The following SLC22A23 variants were observed in gnomAD, a reference collection of about 807,000 sequenced individuals.
SLC22A23 encodes ion transporter protein.
A neutral mutation model predicts 61.0 loss-of-function variants in SLC22A23; 26 were observed. The ratio of observed to expected loss-of-function variants is 0.43; its 90% confidence interval spans 0.31 to 0.59. The LOEUF (loss-of-function observed/expected upper bound fraction) is 0.59. Among genes scored for constraint, SLC22A23 ranks in the 20% least tolerant of loss-of-function variants. SLC22A23 has a pLI of 0.11. For missense variants in SLC22A23, 796 were observed against 934.7 expected, an observed-to-expected ratio of 0.85 and a Z score of 1.94; for synonymous variants, 430 against 413.9, an observed-to-expected ratio of 1.04 and a Z score of -0.47.
chr6:3,273,697 C>T (rs1758642288), intron 9 of SLC22A23, among the ~76,000 whole-genome samples: 1 of 152,116 alleles, frequency 6.6e-6, no homozygotes, highest in African/African-American at 2.4e-5. Flanking sequence ...GGGCTGGGGA[C>T]CATGAGAACT....
rs183679776 is a variant in SLC22A23, at chr6:3,427,922, C to T, written c.655-12067G>A. 1.6e-3 allele frequency among the ~76,000 whole-genome samples: 237 copies of T among 152,316 alleles called. No homozygotes were observed. The highest frequency in any genetic ancestry group is 5.3e-3 in the African/African-American group (222 of 41,574). On this transcript the variant is annotated intron_variant, in intron 1 of 9. Transcript: ENST00000406686. This position sits in a 1 kb window ranked among gnomAD's most constrained non-coding sequence, Gnocchi z 4.3. ...CCTCTGGTCGGGAGAGGAAGAAGGT[C>T]GGCTGCACCCGAGGTGGGGTGAGCC...
intron 3 of SLC22A23, among the ~76,000 whole-genome samples, chr6:3,368,762 A>T (rs919074580): frequency 6.6e-6 from 1 of 152,200 alleles, no homozygotes; most frequent in African/African-American, 2.4e-5. Flanking sequence ...AAGACAGCCA[A>T]GATTAGTAGA....
chr6:3,324,105 G>T lies in SLC22A23; in HGVS notation c.914-103C>A. The T allele has an allele frequency of 7.0e-7, 1 of 1,421,574 alleles. No homozygotes were observed. Among genetic ancestry groups the T allele is most frequent in the Non-Finnish European group, 9.6e-7 (1 of 1,039,414 alleles). 88.1% of individuals were successfully genotyped at this position (1,421,574 alleles called of 1,614,324 possible). A position where few individuals can be genotyped will look rare whatever the true frequency, so the allele number is the denominator to read the frequency against. ...TGCACTGCTTAACCCACCAACGACT[G>T]AAATTGTTTTCATCTGCTGCCCACC... On this transcript the variant is annotated intron_variant, in intron 3 of 9. Coordinates refer to ENST00000406686, the MANE Select transcript of SLC22A23 (RefSeq NM_015482.2). This position sits in a 1 kb window ranked among gnomAD's most constrained non-coding sequence, Gnocchi z 4.3.
At chr6:3,362,297 G>A (rs575362459) in intron 3 of SLC22A23, among the ~76,000 whole-genome samples, 11 of 151,062 alleles carry the variant, frequency 7.3e-5, no homozygotes, top group African/African-American at 2.2e-4. Context: ...CCAGCTACTC[G>A]GGAGCTGAGG....
chr6:3,400,126 C>A (rs1768283992), intron 3 of SLC22A23, among the ~76,000 whole-genome samples: 1 of 152,232 alleles, frequency 6.6e-6, no homozygotes, highest in Admixed American at 6.5e-5. Context: ...GATCCACCCG[C>A]CTCGGCCTCC....
At chr6:3,369,001 T>C (rs9503566) in intron 3 of SLC22A23, among the ~76,000 whole-genome samples, 53,402 of 151,958 alleles carry the variant, frequency 0.35, 9,497 homozygotes, top group Middle Eastern at 0.42. Context: ...TTCCCAGAGA[T>C]GGCTCTATTT....
At chr6:3,293,844 T>C (rs1760837867) in intron 5 of SLC22A23, among the ~76,000 whole-genome samples, 1 of 152,100 alleles carries the variant, frequency 6.6e-6, no homozygotes. Flanking sequence ...AAACCCAAGC[T>C]CTGTCATTGC....
Position 3,272,857 on chromosome 6 carries a change from A to G in SLC22A23, c.*198T>C. 1 of 500,436 alleles carries G rather than the reference A, an allele frequency of 2.0e-6. No homozygotes were observed. The highest frequency in any genetic ancestry group is 3.5e-6 in the Non-Finnish European group (1 of 285,974). 31.0% of individuals were successfully genotyped at this position (500,436 alleles called of 1,614,324 possible). A position where few individuals can be genotyped will look rare whatever the true frequency, so the allele number is the denominator to read the frequency against. The stretch of plus-strand genomic sequence containing the variant: ...TAACGGCAGAAAAGAAAGTCTTGAA[A>G]GGGTTATTTCCAAAGAGTTTGTCTC... On this transcript the variant is annotated 3_prime_UTR_variant, in exon 10 of 10. Transcript: ENST00000406686.
rs1404782589 is a variant in SLC22A23 at position 3,280,041 on chromosome 6, ATTAC to A, written c.1703+3807_1703+3810del. Among the ~76,000 whole-genome samples the A allele has an allele frequency of 2.0e-5, 3 of 152,178 alleles. No individual in the cohort carries two copies. In the East Asian group the frequency reaches 5.8e-4, roughly 29 times the overall value. On this transcript the variant is annotated intron_variant, in intron 9 of 9. Coordinates refer to ENST00000406686, the MANE Select transcript of SLC22A23 (RefSeq NM_015482.2). ...GCTCCTGTTCTAGCTCCTCTTTTAT[ATTAC>A]TTAATGTGACTTGACTAAATTTCTG... is the stretch of plus-strand genomic sequence containing the variant.
chr6:3,296,787 G>A (rs9378359), intron 5 of SLC22A23, among the ~76,000 whole-genome samples: 21,789 of 152,164 alleles, frequency 0.14, 1,704 homozygotes, highest in South Asian at 0.29. Flanking sequence ...GAGGCAGAGG[G>A]TGACATCCTG....
At chr6:3,443,284 A>G (rs543410143) in intron 1 of SLC22A23, among the ~76,000 whole-genome samples, 99 of 152,304 alleles carry the variant, frequency 6.5e-4, no homozygotes, top group African/African-American at 2.4e-3. Context: ...CGAATTATGT[A>G]GCTGGCCCTG....
intron 3 of SLC22A23, among the ~76,000 whole-genome samples, chr6:3,363,969 G>A (rs1765643759): frequency 1.3e-5 from 2 of 152,138 alleles, no homozygotes; most frequent in South Asian, 4.1e-4. Context: ...GTGTAGTTGG[G>A]TGGGCCCCAA....
intron 5 of SLC22A23, among the ~76,000 whole-genome samples, chr6:3,292,587 A>G (rs1760705064): frequency 6.6e-6 from 1 of 152,230 alleles, no homozygotes; most frequent in Non-Finnish European, 1.5e-5. Context: ...CTGAATTTTG[A>G]TGAGCCAGGT....
At chr6:3,294,455 T>C (rs919898099) in intron 5 of SLC22A23, among the ~76,000 whole-genome samples, 2 of 152,182 alleles carry the variant, frequency 1.3e-5, no homozygotes, top group African/African-American at 2.4e-5. Flanking sequence ...GTAAGTATCA[T>C]ACAAATATCC....
rs1013153582 is a variant in SLC22A23, at chr6:3,318,597, G to T, written c.1082+5237C>A. ...CAGTGCTTCCCAGGAGGCCCTGTGT[G>T]GTCCTATGTACCCCTTCCTCCTGGG... On this transcript the variant is annotated intron_variant, in intron 4 of 9. Coordinates refer to ENST00000406686, the MANE Select transcript of SLC22A23 (RefSeq NM_015482.2). The surrounding 1 kb of genome is among the most constrained non-coding windows in gnomAD (Gnocchi z 4.3). Among the ~76,000 whole-genome samples, 1 of 151,988 alleles carries T rather than the reference G, an allele frequency of 6.6e-6. No homozygotes were observed. The highest frequency in any genetic ancestry group is 2.4e-5 in the African/African-American group (1 of 41,358).
At chr6:3,368,891 A>G (rs1344289299) in intron 3 of SLC22A23, among the ~76,000 whole-genome samples, 1 of 152,132 alleles carries the variant, frequency 6.6e-6, no homozygotes, top group East Asian at 1.9e-4. Context: ...ACCAGTTCCT[A>G]TTTTTACTTA....
At chr6:3,443,996 T>A (rs1387674293) in intron 1 of SLC22A23, among the ~76,000 whole-genome samples, 1 of 152,228 alleles carries the variant, frequency 6.6e-6, no homozygotes, top group African/African-American at 2.4e-5. Flanking sequence ...CCCTGCATCT[T>A]TCCAAGAAAT....
At chr6:3,295,460 C>T (rs1401474591) in intron 5 of SLC22A23, among the ~76,000 whole-genome samples, 1 of 152,024 alleles carries the variant, frequency 6.6e-6, no homozygotes, top group African/African-American at 2.4e-5. Flanking sequence ...GGGGTCTACC[C>T]GAAAGGCACT....
chr6:3,405,228 A>G (rs1581830347), intron 3 of SLC22A23, among the ~76,000 whole-genome samples: 1 of 151,956 alleles, frequency 6.6e-6, no homozygotes, highest in South Asian at 2.1e-4. Flanking sequence ...ACCACTGCAC[A>G]CCAGCCCAGG....
Sources: gnomAD v4.1 joint callset for allele counts (sites outside exome capture counted in the v4.1 genomes callset) on GRCh38, gnomAD v4.1.1 for gene constraint, Gnocchi (gnomAD v3.1) non-coding constraint, MANE v1.5 for transcripts, NCBI Gene and HGNC (gene_info 2026-07-23, HGNC 2026-07-21) for gene names.